ERC2: variants seen among roughly 807,000 people sequenced by gnomAD.
ERC2 encodes the protein ELKS/RAB6-interacting/CAST family member 2, also known as ERC protein 2.
Under a neutral mutation model 114.8 loss-of-function variants are expected in ERC2, and 42 were observed. That is an observed-to-expected ratio of 0.37 (90% CI 0.29 to 0.47). The LOEUF is 0.47. Ranked by LOEUF, ERC2 falls within the 20% of genes least tolerant of loss-of-function variation. The pLI, the probability that ERC2 is intolerant of heterozygous loss-of-function variation, is 0.99. For synonymous variants in ERC2, 454 were observed against 425.5 expected, an observed-to-expected ratio of 1.07 and a Z score of -0.82; for missense variants, 939 against 1,150.7, an observed-to-expected ratio of 0.82 and a Z score of 2.66.
At chr3:55,865,347 AT>A (rs1181028848) in intron 14 of ERC2, among the ~76,000 whole-genome samples, 1 of 152,190 alleles carries the variant, frequency 6.6e-6, no homozygotes, top group African/African-American at 2.4e-5. Flanking sequence ...ATTTCCAATC[AT>A]TTTATATATA....
intron 2 of ERC2, among the ~76,000 whole-genome samples, chr3:56,417,575 A>G (rs964663988): frequency 6.6e-6 from 1 of 152,218 alleles, no homozygotes; most frequent in Admixed American, 6.5e-5. Context: ...CACTGACTCT[A>G]TAAAGGGTAA....
At chr3:56,096,784 C>G (rs766056105) in intron 6 of ERC2, among the ~76,000 whole-genome samples, 14 of 152,122 alleles carry the variant, frequency 9.2e-5, no homozygotes, top group Non-Finnish European at 1.5e-4. Context: ...AATGGAAAAT[C>G]CTTCAAAATG....
chr3:55,806,746 G>A (rs757359214), intron 14 of ERC2, among the ~76,000 whole-genome samples: 9 of 152,158 alleles, frequency 5.9e-5, no homozygotes, highest in Non-Finnish European at 8.8e-5. Context: ...AGCTTGACTC[G>A]AAAATCATAA....
At chr3:56,350,689 CA>C (rs1325732602) in intron 2 of ERC2, among the ~76,000 whole-genome samples, 1 of 152,032 alleles carries the variant, frequency 6.6e-6, no homozygotes, top group East Asian at 1.9e-4. Flanking sequence ...TGCAACTTGT[CA>C]AAAGCCAGAA....
intron 2 of ERC2, among the ~76,000 whole-genome samples, chr3:56,374,581 T>C (rs1288809740): frequency 6.6e-6 from 1 of 152,186 alleles, no homozygotes; most frequent in Non-Finnish European, 1.5e-5. Context: ...CATTTACAGA[T>C]GAGAAAACTG....
chr3:55,850,264 C>G (rs2061515652), intron 14 of ERC2, among the ~76,000 whole-genome samples: 1 of 151,808 alleles, frequency 6.6e-6, no homozygotes, highest in Non-Finnish European at 1.5e-5. Context: ...TTAATTACAT[C>G]TGAAAAGACC....
intron 17 of ERC2, among the ~76,000 whole-genome samples, chr3:55,514,208 G>T (rs929944737): frequency 6.6e-6 from 1 of 152,084 alleles, no homozygotes; most frequent in Non-Finnish European, 1.5e-5. Context: ...ACCAACCTGG[G>T]CAACATGGCA....
chr3:55,714,429 C>A (rs815404), intron 15 of ERC2, among the ~76,000 whole-genome samples: 81,906 of 151,562 alleles, frequency 0.54, 22,521 homozygotes, highest in South Asian at 0.69. Context: ...ATATATTAGG[C>A]TTTGGTTTAT....
intron 2 of ERC2, among the ~76,000 whole-genome samples, chr3:56,411,216 A>T (rs1269422258): frequency 6.6e-6 from 1 of 151,490 alleles, no homozygotes; most frequent in East Asian, 2.0e-4. Context: ...AAAAAAACTG[A>T]GATCTCTGAA....
intron 2 of ERC2, among the ~76,000 whole-genome samples, chr3:56,389,744 AG>A (rs1241214893): frequency 6.6e-6 from 1 of 152,146 alleles, no homozygotes; most frequent in Non-Finnish European, 1.5e-5. Context: ...GCTGCTTGGA[AG>A]GAATTCCCAG....
intron 3 of ERC2, among the ~76,000 whole-genome samples, chr3:56,294,992 C>T (rs2055336620): frequency 6.6e-6 from 1 of 152,160 alleles, no homozygotes; most frequent in South Asian, 2.1e-4. Flanking sequence ...GCAAATATAA[C>T]CCACATCAGA....
chr3:55,635,065 GAGA>G (rs2059904273), intron 17 of ERC2, among the ~76,000 whole-genome samples: 1 of 152,004 alleles, frequency 6.6e-6, no homozygotes, highest in Admixed American at 6.6e-5. Flanking sequence ...ATTTTTAGTA[GAGA>G]CGGGGTTTCA....
intron 3 of ERC2, among the ~76,000 whole-genome samples, chr3:56,263,937 C>T (rs1213015955): frequency 6.6e-6 from 1 of 152,052 alleles, no homozygotes; most frequent in Non-Finnish European, 1.5e-5. Context: ...TTTGATAATA[C>T]ATCAAATTAT....
chr3:56,381,195 T>C (rs1360845681), intron 2 of ERC2, among the ~76,000 whole-genome samples: 1 of 152,230 alleles, frequency 6.6e-6, no homozygotes, highest in African/African-American at 2.4e-5. Context: ...GGGAATTTCT[T>C]CTTATAACTT....
chr3:55,935,682 T>C (rs1278975942), intron 13 of ERC2, among the ~76,000 whole-genome samples: 2 of 152,190 alleles, frequency 1.3e-5, no homozygotes, highest in Admixed American at 6.5e-5. Context: ...CTGCAGGCCA[T>C]GTGCCCTACA....
chr3:56,421,993 C>G (rs2061407409), intron 2 of ERC2, among the ~76,000 whole-genome samples: 3 of 152,106 alleles, frequency 2.0e-5, no homozygotes, highest in Admixed American at 2.0e-4. Flanking sequence ...AGGCAGAAAT[C>G]AGGAAGGCTG....
chr3:55,875,285 CA>C (rs2062774840), intron 14 of ERC2, among the ~76,000 whole-genome samples: 1 of 152,158 alleles, frequency 6.6e-6, no homozygotes, highest in African/African-American at 2.4e-5. Context: ...ACACCAATTT[CA>C]AAATAGAGTG....
chr3:55,991,745 A>T (rs568012568), intron 11 of ERC2, among the ~76,000 whole-genome samples: 1 of 152,352 alleles, frequency 6.6e-6, no homozygotes, highest in South Asian at 2.1e-4. Context: ...AAAAGAACTG[A>T]GGTTTTGGGT....
At chr3:55,764,282 T>G (rs1385616342) in intron 14 of ERC2, among the ~76,000 whole-genome samples, 1 of 152,234 alleles carries the variant, frequency 6.6e-6, no homozygotes, top group African/African-American at 2.4e-5. Context: ...CTTGCCCCAT[T>G]TTTAAACCAT....
Sources: allele counts gnomAD v4.1 joint callset (sites outside exome capture counted in the v4.1 genomes callset), GRCh38; gene constraint gnomAD v4.1.1; transcripts MANE v1.5; gene names NCBI Gene and HGNC (gene_info 2026-07-23, HGNC 2026-07-21).